GRM5: variants seen among roughly 807,000 people sequenced by gnomAD.
GRM5 encodes glutamate metabotropic receptor 5.
Under a neutral mutation model 83.1 loss-of-function variants are expected in GRM5, and 19 were observed. The ratio of observed to expected loss-of-function variants is 0.23; its 90% confidence interval spans 0.16 to 0.34. The LOEUF (loss-of-function observed/expected upper bound fraction) is 0.34. GRM5 is among the 10% of genes least tolerant of loss of function. GRM5 has a pLI of 1.00. For missense variants in GRM5, 1,160 were observed against 1,588.3 expected, an observed-to-expected ratio of 0.73 and a Z score of 4.58; for synonymous variants, 675 against 633.6, an observed-to-expected ratio of 1.07 and a Z score of -0.98.
intron 2 of GRM5, among the ~76,000 whole-genome samples, chr11:88,934,690 T>A (rs1336475901): frequency 2.6e-4 from 39 of 151,904 alleles, no homozygotes; most frequent in Non-Finnish European, 5.2e-4. Context: ...TATTCAAACC[T>A]TATTTGAAAA....
intron 2 of GRM5, chr11:88,984,716 A>T: frequency 1.5e-6 from 1 of 658,654 alleles, no homozygotes; most frequent in Middle Eastern, 2.4e-4. Context: ...TGTAACATTC[A>T]AACGGTTTAT....
chr11:89,026,397 T>A (rs1349994523), intron 2 of GRM5, among the ~76,000 whole-genome samples: 1 of 152,174 alleles, frequency 6.6e-6, no homozygotes, highest in East Asian at 1.9e-4. Flanking sequence ...ATGAGTAGAA[T>A]TGAGGGTCAG....
At chr11:88,509,662 C>G (rs1167152073) in intron 9 of GRM5, among the ~76,000 whole-genome samples, 158 bp from the exon 10 acceptor site, 2 of 152,146 alleles carry the variant, frequency 1.3e-5, no homozygotes, top group Non-Finnish European at 2.9e-5. Flanking sequence ...GGAAAGAGAC[C>G]TTGGAAGTGG....
At chr11:88,595,727 C>T (rs929817997) in intron 6 of GRM5, among the ~76,000 whole-genome samples, 3 of 152,064 alleles carry the variant, frequency 2.0e-5, no homozygotes, top group Non-Finnish European at 4.4e-5. Flanking sequence ...CATGCCTTTC[C>T]CTCATTGTTC....
At position 88,882,729 on chromosome 11, in the gene GRM5, TTTA is replaced by T. The variant is rs1285369668; in HGVS notation, c.662-32577_662-32575del. ...TCAAGATCAAACAGCTGATGTTATG[TTTA>T]TTATTATTATTAATTATTTGTATTT... On this transcript the variant is annotated intron_variant, in intron 2 of 9. Coordinates refer to ENST00000305447, the MANE Select transcript of GRM5 (RefSeq NM_001143831.3). Among the ~76,000 whole-genome samples the T allele has an allele frequency of 9.9e-5, 15 of 152,158 alleles. No individual in the cohort carries two copies. In the East Asian group the frequency reaches 2.7e-3, roughly 27 times the overall value.
At chr11:88,675,426 G>C (rs1293050314) in intron 3 of GRM5, among the ~76,000 whole-genome samples, 1 of 151,896 alleles carries the variant, frequency 6.6e-6, no homozygotes, top group African/African-American at 2.4e-5. Flanking sequence ...AATGAGTAAG[G>C]ATCTTTGGAG....
chr11:89,021,866 T>C (rs1213868738), intron 2 of GRM5, among the ~76,000 whole-genome samples: 4 of 152,210 alleles, frequency 2.6e-5, no homozygotes, highest in African/African-American at 7.2e-5. Context: ...ATAGATATTA[T>C]GTACCAGGCT....
intron 2 of GRM5, among the ~76,000 whole-genome samples, chr11:88,985,613 T>C (rs1448175496): frequency 1.3e-5 from 2 of 152,176 alleles, no homozygotes; most frequent in East Asian, 1.9e-4. Flanking sequence ...GTTTCACTTT[T>C]CCATATTAAG....
chr11:88,657,447 A>G lies in GRM5; in HGVS notation c.912-4044T>C, dbSNP rs1436325634. On this transcript the variant is annotated intron_variant, in intron 3 of 9. Coordinates refer to ENST00000305447, the MANE Select transcript of GRM5 (RefSeq NM_001143831.3). The stretch of plus-strand genomic sequence containing the variant: ...GCTTAACTAAAGGAGGATTCTTTAT[A>G]CATATGTACTGGATTCTCAAAACAC... Among the ~76,000 whole-genome samples the G allele has an allele frequency of 2.6e-5, 4 of 152,308 alleles. No individual in the cohort carries two copies. In the East Asian group the frequency reaches 5.8e-4, roughly 22 times the overall value.
chr11:88,792,309 T>C (rs1015754776), intron 3 of GRM5, among the ~76,000 whole-genome samples: 1 of 152,106 alleles, frequency 6.6e-6, no homozygotes, highest in African/African-American at 2.4e-5. Flanking sequence ...ATATCAGTTA[T>C]GAGGAACTTA....
chr11:88,563,727 A>G lies in GRM5; in HGVS notation c.2630+3326T>C, dbSNP rs1297017896. The stretch of plus-strand genomic sequence containing the variant: ...CTGAGAAGCACAACTCAGGGAAGCA[A>G]TTTAGAAGAAAATGTAAAAATATTA... On this transcript the variant is annotated intron_variant, in intron 8 of 9. Coordinates refer to ENST00000305447, the MANE Select transcript of GRM5 (RefSeq NM_001143831.3). Among the ~76,000 whole-genome samples, 2 of 152,200 alleles carry G rather than the reference A, an allele frequency of 1.3e-5. 1 individual carries two copies. The highest frequency in any genetic ancestry group is 1.3e-4 in the Admixed American group (2 of 15,266).
intron 9 of GRM5, among the ~76,000 whole-genome samples, chr11:88,519,088 C>T (rs1229917431): frequency 6.7e-6 from 1 of 150,112 alleles, no homozygotes; most frequent in Non-Finnish European, 1.5e-5. Context: ...CAGAGTTTAG[C>T]TAGACTAAGA....
chr11:88,635,003 A>G (rs1428731004), intron 4 of GRM5, among the ~76,000 whole-genome samples: 1 of 152,160 alleles, frequency 6.6e-6, no homozygotes, highest in African/African-American at 2.4e-5. Flanking sequence ...CAAGGTGTAG[A>G]CTGAATTTTG....
At chr11:88,678,874 A>C (rs1165778584) in intron 3 of GRM5, among the ~76,000 whole-genome samples, 1 of 152,170 alleles carries the variant, frequency 6.6e-6, no homozygotes, top group Non-Finnish European at 1.5e-5. Context: ...AAAGTATCCC[A>C]TTTGAAGCTC....
chr11:88,659,060 C>T (rs1402297137), intron 3 of GRM5, among the ~76,000 whole-genome samples: 1 of 151,966 alleles, frequency 6.6e-6, no homozygotes, highest in African/African-American at 2.4e-5. Flanking sequence ...GTCAAGGAAA[C>T]CAATGGAGAA....
At chr11:88,767,656 G>A (rs1388411998) in intron 3 of GRM5, among the ~76,000 whole-genome samples, 1 of 151,814 alleles carries the variant, frequency 6.6e-6, no homozygotes, top group Non-Finnish European at 1.5e-5. Context: ...GGCGAACAAC[G>A]GACATTGGGA....
intron 4 of GRM5, among the ~76,000 whole-genome samples, chr11:88,634,491 A>G (rs559182954): frequency 3.3e-5 from 5 of 152,192 alleles, no homozygotes; most frequent in African/African-American, 9.6e-5. Context: ...TTTTGTTAAA[A>G]ACCAAGATAC....
chr11:88,859,116 T>C (rs1356186234), intron 2 of GRM5, among the ~76,000 whole-genome samples: 1 of 151,944 alleles, frequency 6.6e-6, no homozygotes, highest in Non-Finnish European at 1.5e-5. Flanking sequence ...TAAAGTAAGA[T>C]GTGTAGTGAA....
intron 3 of GRM5, among the ~76,000 whole-genome samples, chr11:88,799,843 A>G (rs545979483): frequency 6.6e-6 from 1 of 152,266 alleles, no homozygotes; most frequent in South Asian, 2.1e-4. Context: ...TCTTAGCTCA[A>G]ACTAAATACT....
Sources: allele counts gnomAD v4.1 joint callset (sites outside exome capture counted in the v4.1 genomes callset), GRCh38; gene constraint gnomAD v4.1.1; transcripts MANE v1.5; gene names NCBI Gene and HGNC (gene_info 2026-07-23, HGNC 2026-07-21).